Variants in TRIM67 observed in about 807,000 individuals in gnomAD.
The protein encoded by TRIM67 is tripartite motif-containing protein 67.
In TRIM67, 39 loss-of-function variants were observed where a neutral mutation model predicts 71.0. The observed-to-expected ratio is 0.55, with a 90% confidence interval of 0.43 to 0.72. The LOEUF is 0.72. Ranked by LOEUF, TRIM67 falls within the 30% of genes least tolerant of loss-of-function variation. TRIM67 has a pLI of 0.00. For synonymous variants in TRIM67, 481 were observed against 473.9 expected, an observed-to-expected ratio of 1.01 and a Z score of -0.19; for missense variants, 973 against 1,079.2, an observed-to-expected ratio of 0.90 and a Z score of 1.38.
At chr1:231,184,088 T>G (rs1209600565) in intron 1 of TRIM67, 1 of 152,200 alleles carries the variant, frequency 6.6e-6, no homozygotes, top group Non-Finnish European at 1.5e-5. Context: ...ACGAATCCAC[T>G]GAAAAGGAAT....
chr1:231,162,648 G>C lies in TRIM67; in HGVS notation c.-322G>C, dbSNP rs900290985. On this transcript the variant is annotated 5_prime_UTR_variant, in exon 1 of 10. Coordinates refer to ENST00000366653, the MANE Select transcript of TRIM67 (RefSeq NM_001004342.5). ...TGCAGCCGGCGGCGGCGCTGGTGCTGATTCATCACCTAAAGCTCCTCGCAG... is the reference window on the plus strand; with the variant it reads ...TGCAGCCGGCGGCGGCGCTGGTGCTCATTCATCACCTAAAGCTCCTCGCAG... 6.4e-6 allele frequency: 2 copies of C among 313,114 alleles called. No individual in the cohort carries two copies. Among genetic ancestry groups the C allele is most frequent in the Non-Finnish European group, 1.2e-5 (2 of 170,720 alleles). 19.4% of individuals were successfully genotyped at this position (313,114 alleles called of 1,614,324 possible).
chr1:231,205,564 T>A (rs1328631968), intron 6 of TRIM67, among the ~76,000 whole-genome samples: 1 of 151,614 alleles, frequency 6.6e-6, no homozygotes, highest in Non-Finnish European at 1.5e-5. Flanking sequence ...CATCTCTACT[T>A]AAAATACAAA....
intron 1 of TRIM67, chr1:231,184,884 G>A: frequency 1.3e-6 from 1 of 788,176 alleles, no homozygotes; most frequent in Non-Finnish European, 2.0e-6. Context: ...AAGTCTCACA[G>A]AGGGCAAGAA....
intron 1 of TRIM67, among the ~76,000 whole-genome samples, chr1:231,168,159 C>A (rs1682528233): frequency 6.6e-6 from 1 of 151,834 alleles, no homozygotes; most frequent in South Asian, 2.1e-4. Flanking sequence ...GAAATGAGGT[C>A]TTGCTCTGTT....
intron 1 of TRIM67, among the ~76,000 whole-genome samples, chr1:231,164,917 A>C (rs1391980297): frequency 2.0e-5 from 3 of 152,336 alleles, no homozygotes; most frequent in Non-Finnish European, 4.4e-5. Context: ...TGTTATTATA[A>C]TTTAACATTT....
chr1:231,176,905 G>GGAAAAAAAA (rs1208064270), intron 1 of TRIM67, among the ~76,000 whole-genome samples: 1 of 39,392 alleles, frequency 2.5e-5, no homozygotes, highest in Non-Finnish European at 3.7e-5. Context: ...ATACAATCTG[G>GGAAAAAAAA]CAAAAAAAAA....
At position 231,163,113 on chromosome 1, in the gene TRIM67, G is replaced by T. The variant is rs749381821; in HGVS notation, c.144G>T (p.Pro48=). The change falls in exon 1 of 10, where the codon CCG becomes CCT. Residue 48 remains proline, a synonymous_variant. Transcript: ENST00000366653. ...ACGGTGAGCAGCACCTGCCCCAGCC[G>T]CTCCTGCTTTCCCGGGGATCGGGGC... ...TPDGEQHLPQ[P]LLLSRGSGLQ... 6.4e-7 allele frequency: 1 copy of T among 1,562,192 alleles called. No homozygotes were observed. The highest frequency in any genetic ancestry group is 8.7e-7 in the Non-Finnish European group (1 of 1,155,376).
At chr1:231,214,339 T>A (rs912582971) in intron 9 of TRIM67, among the ~76,000 whole-genome samples, 6 of 151,308 alleles carry the variant, frequency 4.0e-5, no homozygotes, top group African/African-American at 1.5e-4. Flanking sequence ...CTTAGTAGAG[T>A]CCTCCTCCCC....
chr1:231,210,108 A>G (rs141324946), intron 8 of TRIM67, among the ~76,000 whole-genome samples: 2 of 152,308 alleles, frequency 1.3e-5, no homozygotes, highest in East Asian at 3.9e-4. Context: ...AAGAATCCCC[A>G]AGGCCAGAAA....
rs1378240190 is a variant in TRIM67 at position 231,220,966 on chromosome 1, G to A, written c.*5526G>A. The A allele has an allele frequency of 1.3e-5, 2 of 152,208 alleles. No individual in the cohort carries two copies. The highest frequency in any genetic ancestry group is 2.4e-5 in the African/African-American group (1 of 41,424). The allele number at this position is 152,208 out of a possible 1,614,324, so 9.4% of individuals were successfully genotyped here. On this transcript the variant is annotated 3_prime_UTR_variant, in exon 10 of 10. Coordinates refer to ENST00000366653, the MANE Select transcript of TRIM67 (RefSeq NM_001004342.5). ...GCAGGAACATGTCAGGTGCTTACTGGGTGAGACCCAGCCGGGGAAGCCTCT... is the reference window on the plus strand; with the variant it reads ...GCAGGAACATGTCAGGTGCTTACTGAGTGAGACCCAGCCGGGGAAGCCTCT...
chr1:231,176,559 G>A, intron 1 of TRIM67, among the ~76,000 whole-genome samples: 1 of 152,178 alleles, frequency 6.6e-6, no homozygotes, highest in East Asian at 1.9e-4. Flanking sequence ...TGTTCAAACA[G>A]CCAGTTGATT....
chr1:231,213,171 A>G (rs1683919920), intron 8 of TRIM67, among the ~76,000 whole-genome samples: 1 of 152,166 alleles, frequency 6.6e-6, no homozygotes, highest in Non-Finnish European at 1.5e-5. Flanking sequence ...TGGCAGGAAA[A>G]GGTGCCTTTC....
chr1:231,206,759 C>G lies in TRIM67; in HGVS notation c.1788C>G (p.Tyr596Ter). 4 of 1,609,956 alleles carry G rather than the reference C, an allele frequency of 2.5e-6. No homozygotes were observed. Among genetic ancestry groups the G allele is most frequent in the Non-Finnish European group, 3.4e-6 (4 of 1,178,292 alleles). ...TCAACTCTTCTGGTGTCGGGCCTTA[C>G]AGTAAAACTGTCGTCCTGCAGACAT... ...KAFNSSGVGP[Y>*]SKTVVLQTSD... The change falls in exon 7 of 10, where the codon TAC becomes TAG. Residue 596 changes from tyrosine (Y) to a stop codon, truncating the protein, a stop_gained. Coordinates refer to ENST00000366653, the MANE Select transcript of TRIM67 (RefSeq NM_001004342.5). LOFTEE classifies it high-confidence loss of function.
In TRIM67 at chr1:231,196,224, T is replaced by G. The variant is rs1005848674; in HGVS notation, c.1045-1147T>G. On this transcript the variant is annotated intron_variant, in intron 1 of 9. Transcript: ENST00000366653. ...TCTGAGCAGAGACCTGGGAGGGGAC[T>G]TGGGGGAGAAGGAGACCCTGGCCCT... 2.6e-5 allele frequency among the ~76,000 whole-genome samples: 4 copies of G among 152,182 alleles called. No homozygotes were observed. The South Asian group carries it at 8.3e-4, about 32-fold the overall frequency.
chr1:231,186,123 G>T, intron 1 of TRIM67: 1 of 1,533,194 alleles, frequency 6.5e-7, no homozygotes, highest in South Asian at 1.2e-5. Context: ...TGAATACATC[G>T]GTGAATGGAT....
At position 231,164,012 on chromosome 1, in the gene TRIM67, A is replaced by G; in HGVS notation, c.1043A>G (p.Lys348Arg). 1 of 1,524,476 alleles carries G rather than the reference A, an allele frequency of 6.6e-7. No homozygotes were observed. The highest frequency in any genetic ancestry group is 8.8e-7 in the Non-Finnish European group (1 of 1,130,072). 94.4% of individuals were successfully genotyped at this position (1,524,476 alleles called of 1,614,324 possible). A position where few individuals can be genotyped will look rare whatever the true frequency, so the allele number is the denominator to read the frequency against. ...CTGGGGGCCATGTGGAAGCAGCACA[A>G]GGTGAGCCCGCGGGACGCGGGAGTG... ...KPLGAMWKQH[K>R]AQLSQALNGV... Residue 348 changes from lysine to arginine, a missense_variant and splice_region_variant, in exon 1 of 10, where the codon AAG (lysine) becomes AGG (arginine). By Grantham distance (26) the Lys-to-Arg change is conservative. Coordinates refer to ENST00000366653, the MANE Select transcript of TRIM67 (RefSeq NM_001004342.5).
chr1:231,166,819 A>C (rs968138380), intron 1 of TRIM67, among the ~76,000 whole-genome samples: 1 of 152,218 alleles, frequency 6.6e-6, no homozygotes, highest in African/African-American at 2.4e-5. Flanking sequence ...GGCTAAACAC[A>C]TTTCTGTATG....
At chr1:231,208,536 C>T (rs1205202304) in intron 7 of TRIM67, among the ~76,000 whole-genome samples, 1 of 151,790 alleles carries the variant, frequency 6.6e-6, no homozygotes, top group African/African-American at 2.4e-5. Flanking sequence ...GGTCTCAAAC[C>T]GCTGACCTGA....
intron 1 of TRIM67, among the ~76,000 whole-genome samples, chr1:231,168,423 T>C (rs1344607968): frequency 6.6e-6 from 1 of 152,216 alleles, no homozygotes; most frequent in Non-Finnish European, 1.5e-5. Flanking sequence ...ACACTTTTAA[T>C]TATCTCCTCA....
Sources: allele counts gnomAD v4.1 joint callset (sites outside exome capture counted in the v4.1 genomes callset), GRCh38; gene constraint gnomAD v4.1.1; transcripts MANE v1.5; gene names NCBI Gene and HGNC (gene_info 2026-07-23, HGNC 2026-07-21).